Variants in KIAA1328 observed in about 807,000 individuals in gnomAD.
KIAA1328 encodes the protein protein hinderin.
In KIAA1328, 52 loss-of-function variants were observed where a neutral mutation model predicts 68.1. The observed-to-expected ratio is 0.76, with a 90% CI of 0.61 to 0.96. The LOEUF (loss-of-function observed/expected upper bound fraction) is 0.96. KIAA1328 is among the 40% of genes least tolerant of loss of function. The probability of loss-of-function intolerance (pLI) is 0.00; values close to 1 mark genes in which losing one functional copy is unlikely to be tolerated. For synonymous variants in KIAA1328, 232 were observed against 239.4 expected, an observed-to-expected ratio of 0.97 and a Z score of 0.28; for missense variants, 641 against 677.6, an observed-to-expected ratio of 0.95 and a Z score of 0.60.
intron 9 of KIAA1328, among the ~76,000 whole-genome samples, chr18:37,195,472 A>G (rs2059986437): frequency 1.3e-5 from 2 of 152,308 alleles, no homozygotes; most frequent in South Asian, 4.1e-4. Context: ...TATTTAATCT[A>G]TTTTGAGTTG....
chr18:37,052,582 T>TAA (rs1167546433), intron 6 of KIAA1328, among the ~76,000 whole-genome samples: 2 of 146,258 alleles, frequency 1.4e-5, no homozygotes, highest in African/African-American at 2.5e-5. Context: ...ATCCTATATC[T>TAA]AAAAAAAAAA....
chr18:37,137,521 G>A (rs1237395253), intron 7 of KIAA1328, among the ~76,000 whole-genome samples: 1 of 152,072 alleles, frequency 6.6e-6, no homozygotes, highest in African/African-American at 2.4e-5. Context: ...ATGGTCACTA[G>A]TATCCTGCTA....
intron 5 of KIAA1328, among the ~76,000 whole-genome samples, chr18:36,929,493 A>G (rs1023518364): frequency 1.2e-4 from 18 of 151,988 alleles, no homozygotes; most frequent in African/African-American, 4.1e-4. Flanking sequence ...GCCACCTTGT[A>G]CTTAGCATGG....
At chr18:36,853,119 G>A (rs1043288111) in intron 4 of KIAA1328, among the ~76,000 whole-genome samples, 4 of 151,936 alleles carry the variant, frequency 2.6e-5, no homozygotes, top group African/African-American at 4.8e-5. Flanking sequence ...GTTAATATTT[G>A]CATGTTACTT....
At chr18:36,841,061 A>C (rs2046843046) in intron 3 of KIAA1328, among the ~76,000 whole-genome samples, 2 of 151,996 alleles carry the variant, frequency 1.3e-5, no homozygotes, top group South Asian at 4.2e-4. Context: ...CCTTTTTGCT[A>C]GTGAGGAACC....
intron 6 of KIAA1328, among the ~76,000 whole-genome samples, chr18:36,999,951 G>T (rs2053527776): frequency 6.6e-6 from 1 of 151,214 alleles, no homozygotes; most frequent in African/African-American, 2.4e-5. Context: ...AGGGAACAAA[G>T]AATATATAAG....
At chr18:36,874,176 A>G in intron 4 of KIAA1328, among the ~76,000 whole-genome samples, 1 of 152,112 alleles carries the variant, frequency 6.6e-6, no homozygotes, top group Non-Finnish European at 1.5e-5. Flanking sequence ...ATAGTAGAAC[A>G]ATTTATTATC....
intron 6 of KIAA1328, among the ~76,000 whole-genome samples, chr18:37,019,615 G>A (rs1245031875): frequency 6.6e-6 from 1 of 152,236 alleles, no homozygotes; most frequent in African/African-American, 2.4e-5. Flanking sequence ...TTCTCTGCAT[G>A]GGGATGGGCA....
At chr18:37,186,057 G>A (rs563599510) in intron 9 of KIAA1328, among the ~76,000 whole-genome samples, 3 of 147,390 alleles carry the variant, frequency 2.0e-5, no homozygotes, top group African/African-American at 7.5e-5. Context: ...ACATTTTTCA[G>A]TGTGACTGAT....
chr18:36,958,344 C>G (rs894921928), intron 5 of KIAA1328, among the ~76,000 whole-genome samples: 1 of 152,114 alleles, frequency 6.6e-6, no homozygotes, highest in Non-Finnish European at 1.5e-5. Context: ...CATATTTTCA[C>G]TTCTCTTGAG....
chr18:37,213,583 A>G (rs1450281816), intron 9 of KIAA1328, among the ~76,000 whole-genome samples: 1 of 152,176 alleles, frequency 6.6e-6, no homozygotes, highest in African/African-American at 2.4e-5. Context: ...AGTCTTTGCT[A>G]TTGTGAATAG....
At chr18:37,045,611 T>C (rs2055436767) in intron 6 of KIAA1328, among the ~76,000 whole-genome samples, 1 of 152,198 alleles carries the variant, frequency 6.6e-6, no homozygotes, top group Admixed American at 6.5e-5. Context: ...TTTTGCTGAG[T>C]TGTCTGATAA....
chr18:37,135,103 G>A (rs184941676), intron 7 of KIAA1328, among the ~76,000 whole-genome samples: 1 of 152,210 alleles, frequency 6.6e-6, no homozygotes, highest in African/African-American at 2.4e-5. Flanking sequence ...GTATACCACT[G>A]ATGGGCACCT....
intron 7 of KIAA1328, chr18:37,075,164 T>C (rs1312166348): frequency 6.6e-6 from 1 of 151,242 alleles, no homozygotes; most frequent in African/African-American, 2.4e-5. Context: ...CAGAAGAGAG[T>C]GGGGGCCAAT....
intron 4 of KIAA1328, among the ~76,000 whole-genome samples, chr18:36,881,723 C>G (rs1234600311): frequency 1.3e-5 from 2 of 152,160 alleles, no homozygotes; most frequent in Non-Finnish European, 2.9e-5. Context: ...TCTTTTGAAA[C>G]CAGTTTTTAA....
chr18:37,034,742 G>C (rs2151596801), intron 6 of KIAA1328, among the ~76,000 whole-genome samples: 1 of 152,156 alleles, frequency 6.6e-6, no homozygotes, highest in East Asian at 1.9e-4. Flanking sequence ...GCATCCCAAT[G>C]GTTTCTTTGT....
At chr18:36,886,537 T>C (rs1374744219) in intron 5 of KIAA1328, 1 of 152,082 alleles carries the variant, frequency 6.6e-6, no homozygotes, top group Admixed American at 6.6e-5. Flanking sequence ...TGTGTGTCTA[T>C]AGCATTATTT....
chr18:36,879,796 A>G (rs1026350644), intron 4 of KIAA1328, among the ~76,000 whole-genome samples: 1 of 152,338 alleles, frequency 6.6e-6, no homozygotes, highest in Non-Finnish European at 1.5e-5. Flanking sequence ...TTCCACACCC[A>G]GTTCAAACTT....
chr18:36,967,835 A>G (rs1568229085), intron 6 of KIAA1328, among the ~76,000 whole-genome samples: 1 of 152,180 alleles, frequency 6.6e-6, no homozygotes, highest in African/African-American at 2.4e-5. Context: ...ACTCACTCTT[A>G]TCATGGGCAT....
Sources: gnomAD v4.1 joint callset for allele counts (sites outside exome capture counted in the v4.1 genomes callset) on GRCh38, gnomAD v4.1.1 for gene constraint, MANE v1.5 for transcripts, NCBI Gene and HGNC (gene_info 2026-07-23, HGNC 2026-07-21) for gene names.